Variants in CCDC47 observed in about 807,000 individuals in gnomAD.
The protein encoded by CCDC47 is coiled-coil domain containing 47.
In CCDC47, 41 loss-of-function variants were observed where a neutral mutation model predicts 60.5. The ratio of observed to expected loss-of-function variants is 0.68; its 90% CI spans 0.53 to 0.88. The LOEUF (loss-of-function observed/expected upper bound fraction) is 0.88. Ranked by LOEUF, CCDC47 falls within the 40% of genes least tolerant of loss-of-function variation. The pLI is 0.00. For missense variants in CCDC47, 513 were observed against 580.9 expected, an observed-to-expected ratio of 0.88 and a Z score of 1.20; for synonymous variants, 195 against 190.7, an observed-to-expected ratio of 1.02 and a Z score of -0.18.
intron 6 of CCDC47, among the ~76,000 whole-genome samples, chr17:63,757,376 T>TAAAAAAAAAA (rs200173061): frequency 7.6e-6 from 1 of 131,570 alleles, no homozygotes; most frequent in Non-Finnish European, 1.6e-5. Flanking sequence ...CAAAAAAAAT[T>TAAAAAAAAAA]AAAAAAAAAA....
At chr17:63,751,872 C>T (rs1260839463) in intron 12 of CCDC47, 68 bp downstream of exon 12, 1 of 1,560,038 alleles carries the variant, frequency 6.4e-7, no homozygotes, top group Non-Finnish European at 8.8e-7. Context: ...ATTACCTTAA[C>T]AACCAACAGA....
chr17:63,772,203 T>C (rs1433039472), intron 1 of CCDC47, among the ~76,000 whole-genome samples: 1 of 151,956 alleles, frequency 6.6e-6, no homozygotes, highest in East Asian at 1.9e-4. Context: ...CATTTGCTAC[T>C]TGCCTCTTAG....
intron 1 of CCDC47, among the ~76,000 whole-genome samples, chr17:63,771,210 T>A (rs1444215660): frequency 6.6e-6 from 1 of 151,918 alleles, no homozygotes; most frequent in African/African-American, 2.4e-5. Context: ...GGAACAGATT[T>A]GGAGGCAAGA....
intron 12 of CCDC47, among the ~76,000 whole-genome samples, chr17:63,749,136 G>C (rs2039142783): frequency 6.6e-6 from 1 of 152,074 alleles, no homozygotes; most frequent in Non-Finnish European, 1.5e-5. Context: ...GCTGGGCGTA[G>C]TGGCTCACGC....
rs2039367586 is a variant in CCDC47, at chr17:63,773,416, G to A, written c.-24C>T. ...GCGTCCTGGCCCGCTCCTTACCTGT[G>A]GCCGAAGCCGAAACCCGGCCCAGCG... On this transcript the variant is annotated 5_prime_UTR_variant, in exon 1 of 13. Transcript: ENST00000225726. 1.3e-5 allele frequency: 2 copies of A among 152,328 alleles called. No individual in the cohort carries two copies. 9.4% of individuals were successfully genotyped at this position (152,328 alleles called of 1,614,324 possible). A position where few individuals can be genotyped will look rare whatever the true frequency, so the allele number is the denominator to read the frequency against.
intron 1 of CCDC47, chr17:63,772,900 C>G (rs749423136): frequency 7.2e-5 from 11 of 152,284 alleles, no homozygotes; most frequent in Non-Finnish European, 5.9e-5. Context: ...AAAATTCACA[C>G]AAGCGCTAAC....
At chr17:63,761,544 A>G (rs1268173617) in intron 4 of CCDC47, 193 bp from the exon 5 acceptor site, 1 of 414,810 alleles carries the variant, frequency 2.4e-6, no homozygotes, top group Non-Finnish European at 4.1e-6. Context: ...AAAATTATAA[A>G]AAATTAGCCG....
chr17:63,753,514 G>A (rs1373443705), intron 9 of CCDC47: 1 of 377,258 alleles, frequency 2.7e-6, no homozygotes, highest in Non-Finnish European at 3.6e-6. Context: ...TCAGAGGGTA[G>A]TCTTTAACTA....
chr17:63,749,453 GAA>G (rs34119562), intron 12 of CCDC47, among the ~76,000 whole-genome samples: 1,834 of 101,258 alleles, frequency 0.018, 41 homozygotes, highest in African/African-American at 0.057. Context: ...CCAGAATAAG[GAA>G]AAAAAAAAAA....
At chr17:63,751,497 T>C (rs1319429820) in intron 12 of CCDC47, among the ~76,000 whole-genome samples, 3 of 150,360 alleles carry the variant, frequency 2.0e-5, no homozygotes, top group East Asian at 3.9e-4. Flanking sequence ...AGCTTTTGAG[T>C]TTGAGATTCT....
chr17:63,770,364 T>C (rs982151344), intron 1 of CCDC47, among the ~76,000 whole-genome samples: 2 of 152,020 alleles, frequency 1.3e-5, no homozygotes, highest in East Asian at 3.9e-4. Context: ...TGAAATAGCA[T>C]ATTTTAGGAG....
At chr17:63,765,796 G>A in intron 2 of CCDC47, 116 bp downstream of exon 2, 1 of 1,348,016 alleles carries the variant, frequency 7.4e-7, no homozygotes, top group Non-Finnish European at 1.0e-6. Flanking sequence ...TCTACCTAGT[G>A]AATGAAAATG....
chr17:63,752,931 G>C lies in CCDC47; in HGVS notation c.1035-132C>G, dbSNP rs943277450. 8.1e-6 allele frequency: 11 copies of C among 1,364,588 alleles called. No homozygotes were observed. In the African/African-American group the frequency reaches 1.6e-4, roughly 20 times the overall value. The allele number at this position is 1,364,588 out of a possible 1,614,324, so 84.5% of individuals were successfully genotyped here. ...ACAGTATTTGGCTTGGCATACCCAA[G>C]TCAAATATAATGAAGGAGCTTTACA... On this transcript the variant is annotated intron_variant, in intron 9 of 12. Coordinates refer to ENST00000225726, the MANE Select transcript of CCDC47 (RefSeq NM_020198.3).
intron 12 of CCDC47, among the ~76,000 whole-genome samples, chr17:63,749,016 A>T (rs1195068137): frequency 1.5e-5 from 2 of 132,174 alleles, no homozygotes; most frequent in Non-Finnish European, 3.1e-5. Flanking sequence ...TGTCTCAAAG[A>T]AAAAAAAAAA....
At chr17:63,765,071 G>A (rs1568251327) in intron 2 of CCDC47, 1 of 497,092 alleles carries the variant, frequency 2.0e-6, no homozygotes, top group East Asian at 1.5e-4. Flanking sequence ...TAATAATAAT[G>A]TATTGTAGAC....
At chr17:63,771,013 A>G (rs11654458) in intron 1 of CCDC47, among the ~76,000 whole-genome samples, 2,716 of 110,086 alleles carry the variant, frequency 0.025, 121 homozygotes, top group African/African-American at 0.066. Flanking sequence ...AGAAAGAAAG[A>G]AAGGAAGGAA....
intron 12 of CCDC47, chr17:63,747,515 T>G: frequency 1.0e-6 from 1 of 980,900 alleles, no homozygotes; most frequent in Non-Finnish European, 1.2e-6. Flanking sequence ...CATATTTTTA[T>G]TTAGGAATTA....
chr17:63,747,414 C>T, intron 12 of CCDC47: 4 of 984,286 alleles, frequency 4.1e-6, no homozygotes, highest in Non-Finnish European at 4.8e-6. Context: ...CTTATTAGCA[C>T]AGACACCATA....
intron 6 of CCDC47, among the ~76,000 whole-genome samples, chr17:63,759,576 TA>T (rs1568249237): frequency 1.8e-5 from 1 of 56,334 alleles, no homozygotes; most frequent in African/African-American, 7.1e-5. Context: ...TATATATATA[TA>T]AAACAATGAT....
Sources: allele counts gnomAD v4.1 joint callset (sites outside exome capture counted in the v4.1 genomes callset), GRCh38; gene constraint gnomAD v4.1.1; transcripts MANE v1.5; gene names NCBI Gene and HGNC (gene_info 2026-07-23, HGNC 2026-07-21).